Variants in CREB5 observed in about 807,000 individuals in gnomAD.
CREB5 encodes the protein cyclic AMP-responsive element-binding protein 5.
CREB5 carries 19 observed loss-of-function variants against 57.1 expected under a neutral mutation model. The observed-to-expected ratio is 0.33, with a 90% CI of 0.23 to 0.49. The LOEUF is 0.49. CREB5 is among the 20% of genes least tolerant of loss of function. The probability of loss-of-function intolerance (pLI) is 0.99; values close to 1 mark genes in which losing one functional copy is unlikely to be tolerated. For missense variants in CREB5, 579 were observed against 671.6 expected (o/e 0.86, Z 1.52); for synonymous variants, 238 against 238.3 (o/e 1.00, Z 0.01).
chr7:28,360,758 A>G (rs1786458869), intron 1 of CREB5, among the ~76,000 whole-genome samples: 1 of 152,252 alleles, frequency 6.6e-6, no homozygotes, highest in Admixed American at 6.5e-5. Context: ...AAAAATAGAA[A>G]GTGCCTTATA....
At chr7:28,414,701 GA>G (rs1228854799) in intron 1 of CREB5, among the ~76,000 whole-genome samples, 18 of 151,926 alleles carry the variant, frequency 1.2e-4, no homozygotes, top group Non-Finnish European at 1.8e-4. Context: ...TCGTAATTAG[GA>G]AAAAAATGAG....
At chr7:28,656,296 G>T (rs181858211) in intron 5 of CREB5, among the ~76,000 whole-genome samples, 6 of 151,992 alleles carry the variant, frequency 3.9e-5, no homozygotes, top group Non-Finnish European at 1.5e-5. Flanking sequence ...GACGAGAGAG[G>T]TTTTTTGAGA....
rs1400042113 is a variant in CREB5, at chr7:28,467,507, C to T, written c.4-20668C>T. 3.3e-5 allele frequency among the ~76,000 whole-genome samples: 5 copies of T among 152,120 alleles called. No homozygotes were observed. The East Asian group carries it at 9.6e-4, about 29-fold the overall frequency. On this transcript the variant is annotated intron_variant, in intron 1 of 10. Transcript: ENST00000357727. Reference sequence around the variant, plus strand: ...TGTGCATTCTAGGGTACAACTCTGGCAATACATATTGCAGACCTAACACCT... The same window carrying T: ...TGTGCATTCTAGGGTACAACTCTGGTAATACATATTGCAGACCTAACACCT...
chr7:28,710,972 G>T (rs1442808288), intron 5 of CREB5, among the ~76,000 whole-genome samples: 1 of 152,156 alleles, frequency 6.6e-6, no homozygotes, highest in Non-Finnish European at 1.5e-5. Context: ...GATTACATAT[G>T]TCAGGTTTTG....
chr7:28,519,486 T>G (rs1002786156), intron 4 of CREB5, among the ~76,000 whole-genome samples: 9 of 152,024 alleles, frequency 5.9e-5, no homozygotes, highest in Non-Finnish European at 1.2e-4. Context: ...GCGTCACTGA[T>G]TTACCCATAA....
intron 1 of CREB5, among the ~76,000 whole-genome samples, chr7:28,453,774 G>A (rs1338403138): frequency 2.0e-5 from 3 of 152,224 alleles, no homozygotes; most frequent in African/African-American, 7.2e-5. Context: ...TAACATCACC[G>A]ATGAAATTGC....
chr7:28,501,163 T>C (rs2128603116), intron 3 of CREB5, among the ~76,000 whole-genome samples: 1 of 152,336 alleles, frequency 6.6e-6, no homozygotes, highest in South Asian at 2.1e-4. Flanking sequence ...CCTAGATGTG[T>C]GAGCTGTACA....
At chr7:28,722,405 C>T (rs1352810558) in intron 6 of CREB5, among the ~76,000 whole-genome samples, 1 of 152,164 alleles carries the variant, frequency 6.6e-6, no homozygotes, top group East Asian at 1.9e-4. Context: ...TATTCCAGCT[C>T]TCCCATCCAC....
At chr7:28,341,993 A>C (rs537672789) in intron 1 of CREB5, among the ~76,000 whole-genome samples, 23 of 152,304 alleles carry the variant, frequency 1.5e-4, no homozygotes, top group Non-Finnish European at 2.6e-4. Context: ...GGAAATCAGG[A>C]GCTCTTCTTA....
At chr7:28,605,896 G>C (rs1349888694) in intron 5 of CREB5, among the ~76,000 whole-genome samples, 1 of 152,192 alleles carries the variant, frequency 6.6e-6, no homozygotes, top group Non-Finnish European at 1.5e-5. Flanking sequence ...CAAAAGGCAG[G>C]AGAGAATTTT....
chr7:28,585,970 A>C (rs1796292248), intron 5 of CREB5, among the ~76,000 whole-genome samples: 1 of 152,054 alleles, frequency 6.6e-6, no homozygotes, highest in African/African-American at 2.4e-5. Context: ...TGGCTGCATA[A>C]CCTCCCTATT....
chr7:28,507,675 G>A lies in CREB5; in HGVS notation c.229G>A (p.Glu77Lys), dbSNP rs1207698224. The A allele has an allele frequency of 8.1e-6, 13 of 1,612,702 alleles. No individual in the cohort carries two copies. Among genetic ancestry groups the A allele is most frequent in the African/African-American group, 2.7e-5 (2 of 74,904 alleles). ...CTGCGAGGAGGTGGGCCTCTTCAGC[G>A]AGCTGGACTGCTCCCTGGAGCACGA... ...KNCEEVGLFS[E>K]LDCSLEHEFR... The change falls in exon 4 of 11, where the codon GAG becomes AAG. Residue 77 changes from glutamate (E) to lysine (K), a missense_variant. Physicochemically the swap from Glu to Lys is moderately conservative, Grantham distance 56 (BLOSUM62 1). Coordinates refer to ENST00000357727, the MANE Select transcript of CREB5 (RefSeq NM_182898.4).
At chr7:28,617,787 CTTGGAGGCCATGAAATTCTA>C (rs1797646630) in intron 5 of CREB5, among the ~76,000 whole-genome samples, 1 of 152,186 alleles carries the variant, frequency 6.6e-6, no homozygotes, top group Non-Finnish European at 1.5e-5. Flanking sequence ...CAGAGCCTTT[CTTGGAGGCCATGAAATTCTA>C]GGTTCAAGTT....
intron 4 of CREB5, among the ~76,000 whole-genome samples, chr7:28,559,575 A>G (rs939553484): frequency 2.0e-5 from 2 of 98,782 alleles, no homozygotes; most frequent in African/African-American, 6.1e-5. Context: ...TCAGCCTCCC[A>G]AAAAGCTGGG....
At chr7:28,437,502 A>G (rs1425482800) in intron 1 of CREB5, among the ~76,000 whole-genome samples, 2 of 152,144 alleles carry the variant, frequency 1.3e-5, no homozygotes, top group Non-Finnish European at 2.9e-5. Context: ...TCCTTCTATC[A>G]TCTTCTACCA....
At chr7:28,599,880 C>T (rs1028859231) in intron 5 of CREB5, among the ~76,000 whole-genome samples, 1 of 152,108 alleles carries the variant, frequency 6.6e-6, no homozygotes, top group Admixed American at 6.6e-5. Flanking sequence ...ATACTATTGT[C>T]CACCCTTTTG....
intron 5 of CREB5, among the ~76,000 whole-genome samples, chr7:28,605,021 G>A (rs1464390621): frequency 6.6e-6 from 1 of 152,062 alleles, no homozygotes; most frequent in East Asian, 1.9e-4. Flanking sequence ...GTAGGATACA[G>A]AAAAATTTAT....
Position 28,823,414 on chromosome 7 carries a change from G to GTT in CREB5, c.*4136_*4137dup, listed in dbSNP as rs1018355100. On this transcript the variant is annotated 3_prime_UTR_variant, in exon 11 of 11. Transcript: ENST00000357727. ...TGTAGGATCTACTTGTTTTTAAAGT[G>GTT]TTAGTCCATAATAAACTACTATAGT... 6.6e-6 allele frequency: 1 copy of GTT among 152,530 alleles called. No individual in the cohort carries two copies. Among genetic ancestry groups the GTT allele is most frequent in the African/African-American group, 2.4e-5 (1 of 41,428 alleles). The allele number at this position is 152,530 out of a possible 1,614,324, so 9.4% of individuals were successfully genotyped here. A position where few individuals can be genotyped will look rare whatever the true frequency, so the allele number is the denominator to read the frequency against.
At chr7:28,517,178 C>G (rs1002113138) in intron 4 of CREB5, among the ~76,000 whole-genome samples, 1 of 152,240 alleles carries the variant, frequency 6.6e-6, no homozygotes, top group South Asian at 2.1e-4. Context: ...GGGCCCCTCA[C>G]AGAGACGTGA....
Sources: allele counts gnomAD v4.1 joint callset (sites outside exome capture counted in the v4.1 genomes callset), GRCh38; gene constraint gnomAD v4.1.1; transcripts MANE v1.5; gene names NCBI Gene and HGNC (gene_info 2026-07-23, HGNC 2026-07-21).